ARHGEF10: variants seen among roughly 807,000 people sequenced by gnomAD.
The protein encoded by ARHGEF10 is Rho guanine nucleotide exchange factor (GEF) 10.
In ARHGEF10, 140 loss-of-function variants were observed where a neutral mutation model predicts 147.4. That is an observed-to-expected ratio of 0.95 (90% CI 0.83 to 1.09). The LOEUF is 1.09. Among genes scored for constraint, ARHGEF10 ranks in the 50% least tolerant of loss-of-function variants. ARHGEF10 has a pLI of 0.00. For missense variants in ARHGEF10, 2,222 were observed against 1,752.7 expected (o/e 1.27, Z -4.78); for synonymous variants, 902 against 695.8 (o/e 1.30, Z -4.67).
chr8:1,946,091 C>T (rs1444457913), intron 27 of ARHGEF10, among the ~76,000 whole-genome samples: 1 of 152,132 alleles, frequency 6.6e-6, no homozygotes, highest in Non-Finnish European at 1.5e-5. Context: ...TGTGAATGCC[C>T]TGTTGCTGGT....
In ARHGEF10 at chr8:1,948,416, C is replaced by G. The variant is rs985955414; in HGVS notation, c.3397+2761C>G. On this transcript the variant is annotated intron_variant, in intron 27 of 28. Coordinates refer to ENST00000349830, the MANE Select transcript of ARHGEF10 (RefSeq NM_014629.4). This position sits in a 1 kb window ranked among gnomAD's most constrained non-coding sequence, Gnocchi z 4.9. ...GGCAGGTTTCTCCGGCATTTCGGTACTAAGTTGGAAATAGCTCCAGCTTCA... is the reference window on the plus strand; with the variant it reads ...GGCAGGTTTCTCCGGCATTTCGGTAGTAAGTTGGAAATAGCTCCAGCTTCA... Among the ~76,000 whole-genome samples, 1 of 152,220 alleles carries G rather than the reference C, an allele frequency of 6.6e-6. No individual in the cohort carries two copies. The highest frequency in any genetic ancestry group is 1.5e-5 in the Non-Finnish European group (1 of 68,044).
At chr8:1,892,277 CTGTGTGTGTGTGTG>C (rs66526026) in intron 11 of ARHGEF10, among the ~76,000 whole-genome samples, 71 of 126,644 alleles carry the variant, frequency 5.6e-4, no homozygotes, top group African/African-American at 1.4e-3. Context: ...GCTTCTGGCT[CTGTGTGTGTGTGTG>C]TGTGTGTGTG....
intron 1 of ARHGEF10, among the ~76,000 whole-genome samples, chr8:1,834,604 T>A (rs1803470567): frequency 6.6e-6 from 1 of 152,072 alleles, no homozygotes; most frequent in Non-Finnish European, 1.5e-5. Context: ...CGTCCATCCA[T>A]CCCCTTTCCG....
In ARHGEF10 at chr8:1,956,902, G is replaced by C; in HGVS notation, c.3674G>C (p.Ser1225Thr). Residue 1225 changes from serine (S) to threonine (T), a missense_variant, in exon 29 of 29, where the codon AGT becomes ACT. Ser to Thr is a moderately conservative substitution (Grantham distance 58). Coordinates refer to ENST00000349830, the MANE Select transcript of ARHGEF10 (RefSeq NM_014629.4). ...GAAGACCAGAAGGACGCACTTCCGA[G>C]TGGAGGAGCTGGTTCATCTCTGAGC... ...QDEDQKDALP[S>T]GGAGSSLSQG... The C allele has an allele frequency of 6.2e-7, 1 of 1,614,106 alleles. No individual in the cohort carries two copies. Among genetic ancestry groups the C allele is most frequent in the Non-Finnish European group, 8.5e-7 (1 of 1,179,994 alleles).
In ARHGEF10 at chr8:1,941,736, C is replaced by T. The variant is rs531292958; in HGVS notation, c.3223-3745C>T. 3.9e-5 allele frequency among the ~76,000 whole-genome samples: 6 copies of T among 152,350 alleles called. No homozygotes were observed. The East Asian group carries it at 1.2e-3, about 29-fold the overall frequency. On this transcript the variant is annotated intron_variant, in intron 26 of 28. Transcript: ENST00000349830. Reference sequence around the variant, plus strand: ...TACCACATAGCCACAGTAAGCAAGACAGCATGGTGCTGGCACGGGACAGAC... The same window carrying T: ...TACCACATAGCCACAGTAAGCAAGATAGCATGGTGCTGGCACGGGACAGAC...
At chr8:1,902,434 A>G (rs1235307904) in intron 15 of ARHGEF10, among the ~76,000 whole-genome samples, 2 of 152,180 alleles carry the variant, frequency 1.3e-5, no homozygotes, top group African/African-American at 4.8e-5. Context: ...TTTGTGCCAC[A>G]TACCCTCCCT....
intron 3 of ARHGEF10, 52 bp downstream of exon 3, chr8:1,858,167 A>AGTCCCCAGGTGGGTCCCCAGGTGG: frequency 8.0e-7 from 1 of 1,255,410 alleles, no homozygotes. Context: ...TCCCCAGGTG[A>AGTCCCCAGGTGGGTCCCCAGGTGG]GTCCCCAGGT....
rs766420555 is a variant in ARHGEF10 at position 1,885,683 on chromosome 8, G to A, written c.1158G>A (p.Met386Ile). Residue 386 changes from methionine (M) to isoleucine (I), a missense_variant, in exon 11 of 29, where the codon ATG becomes ATA. Coordinates refer to ENST00000349830, the MANE Select transcript of ARHGEF10 (RefSeq NM_014629.4). ...ACCCGGAAGCCATCTTGACCCCGAT[G>A]CCCGAGGGTTTATCTCAGCAGCAGG... ...CKHPEAILTP[M>I]PEGLSQQQVV... 3.1e-6 allele frequency: 5 copies of A among 1,613,944 alleles called. No homozygotes were observed. The highest frequency in any genetic ancestry group is 4.2e-6 in the Non-Finnish European group (5 of 1,179,968).
intron 17 of ARHGEF10, among the ~76,000 whole-genome samples, chr8:1,906,113 T>A (rs1332138693): frequency 6.6e-6 from 1 of 152,248 alleles, no homozygotes; most frequent in Non-Finnish European, 1.5e-5. Context: ...TATTCATATT[T>A]ATTGTAAACC....
chr8:1,933,726 G>A (rs1813337969), intron 25 of ARHGEF10, 74 bp from the exon 26 acceptor site: 2 of 1,559,646 alleles, frequency 1.3e-6, no homozygotes. Context: ...TACTTAAAAT[G>A]ATGTATGACC....
chr8:1,871,121 A>AG (rs1020953074), intron 7 of ARHGEF10: 1 of 151,728 alleles, frequency 6.6e-6, no homozygotes, highest in African/African-American at 2.4e-5. Context: ...TCAAAAAAAA[A>AG]AAAAAAAAAA....
chr8:1,880,179 C>T lies in ARHGEF10; in HGVS notation c.960+15C>T. The T allele has an allele frequency of 6.3e-7, 1 of 1,579,448 alleles. No homozygotes were observed. Among genetic ancestry groups the T allele is most frequent in the Non-Finnish European group, 8.7e-7 (1 of 1,149,040 alleles). ...ATGAACTGAAGGTAGAGTCTTGCCC[C>T]CGGCCGCTGCCCCCACTTGCCAGCC... is the stretch of plus-strand genomic sequence containing the variant. On this transcript the variant is annotated intron_variant, in intron 9 of 28. Transcript: ENST00000349830.
At chr8:1,892,449 C>G (rs1809619202) in intron 11 of ARHGEF10, among the ~76,000 whole-genome samples, 1 of 152,076 alleles carries the variant, frequency 6.6e-6, no homozygotes, top group South Asian at 2.1e-4. Flanking sequence ...AATCCTTTCT[C>G]TAAAAGGAGT....
intron 23 of ARHGEF10, chr8:1,927,031 T>C (rs1812745078): frequency 1.6e-5 from 3 of 189,064 alleles, no homozygotes; most frequent in Non-Finnish European, 3.3e-5. Context: ...CAAACTCTCA[T>C]CCTTTCCTCC....
At chr8:1,890,517 C>G (rs1436310299) in intron 11 of ARHGEF10, among the ~76,000 whole-genome samples, 2 of 128,028 alleles carry the variant, frequency 1.6e-5, no homozygotes, top group East Asian at 4.9e-4. Flanking sequence ...CTGAGTGGGG[C>G]GAGACGGGTC....
chr8:1,894,649 T>A, intron 13 of ARHGEF10, 77 bp downstream of exon 13: 1 of 1,538,096 alleles, frequency 6.5e-7, no homozygotes, highest in Non-Finnish European at 9.0e-7. Context: ...AGGCTGATGT[T>A]TTGCCCCTGA....
chr8:1,840,643 G>A (rs543888326), intron 1 of ARHGEF10, among the ~76,000 whole-genome samples: 15 of 151,452 alleles, frequency 9.9e-5, no homozygotes, highest in East Asian at 9.8e-4. Context: ...ACTGTCCGAC[G>A]TGGGGACTGT....
intron 17 of ARHGEF10, among the ~76,000 whole-genome samples, chr8:1,907,346 C>T (rs1467724199): frequency 1.3e-5 from 2 of 152,328 alleles, no homozygotes; most frequent in African/African-American, 4.8e-5. Flanking sequence ...CCCAGCTCCT[C>T]ACCTGCAAGT....
At chr8:1,923,196 A>G in intron 19 of ARHGEF10, 117 bp downstream of exon 19, 3 of 923,892 alleles carry the variant, frequency 3.2e-6, no homozygotes, top group Middle Eastern at 3.3e-4. Flanking sequence ...TTTAAAAATT[A>G]ATCTGAATGT....
Sources: gnomAD v4.1 joint callset for allele counts (sites outside exome capture counted in the v4.1 genomes callset) on GRCh38, gnomAD v4.1.1 for gene constraint, Gnocchi (gnomAD v3.1) non-coding constraint, MANE v1.5 for transcripts, NCBI Gene and HGNC (gene_info 2026-07-23, HGNC 2026-07-21) for gene names.